The following GRIK1 variants were observed in gnomAD, a reference collection of about 807,000 sequenced individuals.
The protein encoded by GRIK1 is glutamate receptor ionotropic, kainate 1.
A neutral mutation model predicts 105.7 loss-of-function variants in GRIK1; 69 were observed. The observed-to-expected ratio is 0.65, with a 90% CI of 0.54 to 0.80. The LOEUF (loss-of-function observed/expected upper bound fraction) is 0.80, where lower values mean the gene tolerates loss of function less well. Among genes scored for constraint, GRIK1 ranks in the 30% least tolerant of loss-of-function variants. The probability of loss-of-function intolerance (pLI) is 0.00; values close to 1 mark genes in which losing one functional copy is unlikely to be tolerated. For synonymous variants in GRIK1, 438 were observed against 431.3 expected (o/e 1.02, Z -0.19); for missense variants, 1,109 against 1,167.3 (o/e 0.95, Z 0.73).
At chr21:29,799,496 T>TTTTG (rs71335096) in intron 1 of GRIK1, among the ~76,000 whole-genome samples, 1 of 151,486 alleles carries the variant, frequency 6.6e-6, no homozygotes, top group African/African-American at 2.4e-5. Context: ...GCCCAGGTGT[T>TTTTG]TTTGTTTGTT....
At chr21:29,619,074 C>T (rs565032677) in intron 7 of GRIK1, among the ~76,000 whole-genome samples, 146 of 145,976 alleles carry the variant, frequency 1.0e-3, no homozygotes, top group African/African-American at 3.7e-3. Flanking sequence ...TGCAGTGAGC[C>T]GAGATTGTGC....
At chr21:29,896,290 GC>G (rs1465392501) in intron 1 of GRIK1, among the ~76,000 whole-genome samples, 2 of 152,130 alleles carry the variant, frequency 1.3e-5, no homozygotes, top group Non-Finnish European at 2.9e-5. Context: ...TTTCTCGTGA[GC>G]TTTTCCCCTG....
At chr21:29,750,371 C>T (rs1336504565) in intron 1 of GRIK1, among the ~76,000 whole-genome samples, 1 of 151,888 alleles carries the variant, frequency 6.6e-6, no homozygotes, top group Non-Finnish European at 1.5e-5. Context: ...AAAGACAAGC[C>T]AACCACAGGG....
chr21:29,560,504 C>CT (rs1429462574), intron 15 of GRIK1, among the ~76,000 whole-genome samples: 8,131 of 26,250 alleles, frequency 0.31, 2,147 homozygotes, highest in East Asian at 0.45. Context: ...TCTTTCCTTC[C>CT]TTCCTTCCTT....
At chr21:29,746,044 C>A (rs938712448) in intron 1 of GRIK1, among the ~76,000 whole-genome samples, 3 of 152,096 alleles carry the variant, frequency 2.0e-5, no homozygotes, top group Admixed American at 1.3e-4. Context: ...GCAGAGCTTG[C>A]AGTGAGCCAA....
At position 29,571,829 on chromosome 21, in the gene GRIK1, C is replaced by T. The variant is rs1207750706; in HGVS notation, c.2130+5135G>A. ...AATACTGCTTTTCTGAGAAGAAAAACACTTGAAATTACACTGTTTGTGATG... is the reference window on the plus strand; with the variant it reads ...AATACTGCTTTTCTGAGAAGAAAAATACTTGAAATTACACTGTTTGTGATG... On this transcript the variant is annotated intron_variant, in intron 14 of 17. Coordinates refer to ENST00000327783, the MANE Select transcript of GRIK1 (RefSeq NM_001330994.2). Among the ~76,000 whole-genome samples the T allele has an allele frequency of 5.9e-5, 9 of 152,282 alleles. No individual in the cohort carries two copies. In the East Asian group the frequency reaches 1.7e-3, roughly 29 times the overall value.
intron 1 of GRIK1, among the ~76,000 whole-genome samples, chr21:29,739,813 C>A (rs992903410): frequency 1.3e-5 from 2 of 152,054 alleles, no homozygotes; most frequent in Non-Finnish European, 1.5e-5. Context: ...TGATTTCCAC[C>A]AACATCCATT....
chr21:29,653,673 A>G (rs889927584), intron 5 of GRIK1, among the ~76,000 whole-genome samples: 2 of 152,228 alleles, frequency 1.3e-5, no homozygotes, highest in African/African-American at 2.4e-5. Context: ...GCAGTTCTCA[A>G]GTTTTCCCTC....
chr21:29,820,363 C>T (rs973371736), intron 1 of GRIK1, among the ~76,000 whole-genome samples: 47 of 152,200 alleles, frequency 3.1e-4, no homozygotes, highest in African/African-American at 1.0e-3. Flanking sequence ...CTTTCTTGAC[C>T]TATCAGCAGC....
chr21:29,811,471 A>G lies in GRIK1; in HGVS notation c.119-117408T>C, dbSNP rs373289126. 1.2e-3 allele frequency among the ~76,000 whole-genome samples: 178 copies of G among 152,284 alleles called. 1 individual carries two copies. The South Asian group carries it at 0.018, about 15-fold the overall frequency. On this transcript the variant is annotated intron_variant, in intron 1 of 17. Transcript: ENST00000327783. The stretch of plus-strand genomic sequence containing the variant: ...CTCTAACTATAAGTAGATTTTAAGT[A>G]CAGCCTAGCAAATAGTAAATGGGCC...
At chr21:29,810,772 G>T (rs972707103) in intron 1 of GRIK1, among the ~76,000 whole-genome samples, 10 of 152,082 alleles carry the variant, frequency 6.6e-5, no homozygotes, top group African/African-American at 2.4e-4. Flanking sequence ...AAATTCTGCC[G>T]TGATGCCTGG....
At chr21:29,713,156 G>C (rs2064098198) in intron 1 of GRIK1, among the ~76,000 whole-genome samples, 1 of 152,054 alleles carries the variant, frequency 6.6e-6, no homozygotes, top group African/African-American at 2.4e-5. Flanking sequence ...AATAGAGGGA[G>C]CTATATCCAG....
chr21:29,753,980 G>A (rs538342388), intron 1 of GRIK1, among the ~76,000 whole-genome samples: 1 of 152,192 alleles, frequency 6.6e-6, no homozygotes, highest in Non-Finnish European at 1.5e-5. Flanking sequence ...TTTTCTTAAG[G>A]AGAAAAATCC....
chr21:29,833,226 T>C (rs1225996739), intron 1 of GRIK1, among the ~76,000 whole-genome samples: 1 of 152,208 alleles, frequency 6.6e-6, no homozygotes, highest in Admixed American at 6.5e-5. Flanking sequence ...GTCACAATAA[T>C]TCAACAAGTC....
chr21:29,898,590 T>C (rs1476992554), intron 1 of GRIK1, among the ~76,000 whole-genome samples: 1 of 152,170 alleles, frequency 6.6e-6, no homozygotes, highest in Non-Finnish European at 1.5e-5. Flanking sequence ...GTATGTTTGG[T>C]TTCGTACCTA....
At chr21:29,870,924 C>T (rs558659519) in intron 1 of GRIK1, among the ~76,000 whole-genome samples, 7 of 152,188 alleles carry the variant, frequency 4.6e-5, no homozygotes, top group African/African-American at 1.7e-4. Context: ...CGGCTTACCT[C>T]CTGCCCTTCA....
Position 29,646,027 on chromosome 21 carries a change from TGAGA to T in GRIK1, c.955-3062_955-3059del, listed in dbSNP as rs777487258. 4.6e-5 allele frequency among the ~76,000 whole-genome samples: 7 copies of T among 152,338 alleles called. No homozygotes were observed. In the South Asian group the frequency reaches 1.5e-3, roughly 32 times the overall value. On this transcript the variant is annotated intron_variant, in intron 6 of 17. Coordinates refer to ENST00000327783, the MANE Select transcript of GRIK1 (RefSeq NM_001330994.2). ...GAAGATTGGCCCCTTGACTGGCTCT[TGAGA>T]GATAACTTTTAACTCCTTGGAATAT... is the stretch of plus-strand genomic sequence containing the variant.
intron 1 of GRIK1, among the ~76,000 whole-genome samples, chr21:29,831,099 G>A (rs183813639): frequency 6.6e-6 from 1 of 152,234 alleles, no homozygotes; most frequent in African/African-American, 2.4e-5. Context: ...TATTACAAAA[G>A]ATAAAAATAT....
intron 1 of GRIK1, among the ~76,000 whole-genome samples, chr21:29,911,056 C>A (rs2070797922): frequency 6.6e-6 from 1 of 151,948 alleles, no homozygotes; most frequent in Non-Finnish European, 1.5e-5. Flanking sequence ...TACAGATAAG[C>A]CTTTCTGTGT....
Sources: allele counts gnomAD v4.1 joint callset (sites outside exome capture counted in the v4.1 genomes callset), GRCh38; gene constraint gnomAD v4.1.1; transcripts MANE v1.5; gene names NCBI Gene and HGNC (gene_info 2026-07-23, HGNC 2026-07-21).